OVCH1: variants seen among roughly 807,000 people sequenced by gnomAD.
OVCH1 encodes the protein ovochymase 1.
OVCH1 carries 139 observed loss-of-function variants against 138.4 expected under a neutral mutation model. The observed-to-expected ratio is 1.00, with a 90% CI of 0.87 to 1.16. OVCH1 has a LOEUF of 1.16. Among genes scored for constraint, OVCH1 ranks in the 50% most tolerant of loss-of-function variants. OVCH1 has a pLI of 0.00. For synonymous variants in OVCH1, 453 were observed against 467.8 expected, an observed-to-expected ratio of 0.97 and a Z score of 0.41; for missense variants, 1,367 against 1,357.9, an observed-to-expected ratio of 1.01 and a Z score of -0.11.
At chr12:29,455,006 C>T in intron 20 of OVCH1, 73 bp from the exon 21 acceptor site, 1 of 1,313,750 alleles carries the variant, frequency 7.6e-7, no homozygotes. Flanking sequence ...ACTAAAGCAG[C>T]CACTATCAAA....
At chr12:29,471,803 A>G (rs533243527) in exon 16 of OVCH1, 3 of 1,608,526 alleles carry the variant, frequency 1.9e-6, no homozygotes, top group Non-Finnish European at 2.5e-6. Flanking sequence ...TTCACTCACA[A>G]TTGCACACAG....
At chr12:29,472,898 G>T (rs1942562433) in intron 15 of OVCH1, 131 bp downstream of exon 15, 1 of 734,478 alleles carries the variant, frequency 1.4e-6, no homozygotes, top group Non-Finnish European at 2.2e-6. Flanking sequence ...ACGTTTTATG[G>T]ACCTAAATAT....
At position 29,446,386 on chromosome 12, in the gene OVCH1, G is replaced by A. The variant is rs976956804; in HGVS notation, c.2756-983C>T. Among the ~76,000 whole-genome samples, 10 of 152,078 alleles carry A rather than the reference G, an allele frequency of 6.6e-5. No individual in the cohort carries two copies. The South Asian group carries it at 2.1e-3, about 31-fold the overall frequency. On this transcript the variant is annotated intron_variant, in intron 22 of 27. Transcript: ENST00000318184. ...ACCTAATATTTATTTGTAGCAAATAGAAGTGAATGTAACTTTTAAATGAAT... is the reference window on the plus strand; with the variant it reads ...ACCTAATATTTATTTGTAGCAAATAAAAGTGAATGTAACTTTTAAATGAAT...
chr12:29,473,439 T>C (rs930343304), intron 14 of OVCH1, among the ~76,000 whole-genome samples: 3 of 152,176 alleles, frequency 2.0e-5, no homozygotes, highest in Non-Finnish European at 4.4e-5. Context: ...TGTTCATTAC[T>C]CTATTTTTAT....
At chr12:29,422,472 C>T (rs1049642871) in intron 3 of OVCH1, among the ~76,000 whole-genome samples, 1 of 152,174 alleles carries the variant, frequency 6.6e-6, no homozygotes, top group East Asian at 1.9e-4. Flanking sequence ...CTGAATTACA[C>T]TCTAATCAAG....
At chr12:29,471,612 C>A (rs1327793558) in intron 16 of OVCH1, among the ~76,000 whole-genome samples, 190 bp downstream of exon 16, 1 of 152,140 alleles carries the variant, frequency 6.6e-6, no homozygotes, top group Non-Finnish European at 1.5e-5. Context: ...GATAAGCAGT[C>A]AAGATTTGAT....
At chr12:29,464,829 C>A (rs1486375684) in intron 17 of OVCH1, 127 bp from the exon 18 acceptor site, 7 of 842,114 alleles carry the variant, frequency 8.3e-6, no homozygotes, top group Non-Finnish European at 1.1e-5. Flanking sequence ...AGAAGACTTT[C>A]TATTAAATTT....
At position 29,496,623 on chromosome 12, in the gene OVCH1, A is replaced by G. The variant is rs941588213; in HGVS notation, c.116T>C (p.Val39Ala). 1.1e-5 allele frequency: 18 copies of G among 1,613,818 alleles called. No homozygotes were observed. In the African/African-American group the frequency reaches 1.9e-4, roughly 17 times the overall value. ...AATTCTAGAGAAGAATCTAGATCCC[A>G]CGGCAGGTTCCTTACTTTTCATGTT... Residue 39 changes from valine to alanine, a missense_variant, in exon 2 of 28, where the codon GTG (valine) becomes GCG (alanine). Val to Ala is a moderately conservative substitution (Grantham distance 64). Transcript: ENST00000318184.
At chr12:29,492,064 C>G (rs114749633) in intron 4 of OVCH1, among the ~76,000 whole-genome samples, 1 of 151,940 alleles carries the variant, frequency 6.6e-6, no homozygotes. Flanking sequence ...TAAATACATG[C>G]TATGGAAAAA....
intron 27 of OVCH1, among the ~76,000 whole-genome samples, chr12:29,428,444 A>C (rs1203392635): frequency 1.3e-5 from 2 of 152,164 alleles, no homozygotes; most frequent in Non-Finnish European, 2.9e-5. Context: ...AATGAGTGCA[A>C]AATGCAATTT....
At chr12:29,411,760 G>A (rs1374034198), downstream of OVCH1, among the ~76,000 whole-genome samples, 1 of 111,982 alleles carries the variant, frequency 8.9e-6, no homozygotes, top group African/African-American at 2.8e-5. Context: ...AGAGGTCAGG[G>A]ACCCACTTGA....
At chr12:29,411,306 C>A (rs1940952317), downstream of OVCH1, among the ~76,000 whole-genome samples, 1 of 150,334 alleles carries the variant, frequency 6.7e-6, no homozygotes. Flanking sequence ...CTCAACTCGT[C>A]AAAGTCATTC....
chr12:29,423,988 G>A (rs562669342), downstream of OVCH1, among the ~76,000 whole-genome samples: 1 of 152,254 alleles, frequency 6.6e-6, no homozygotes, highest in East Asian at 1.9e-4. Context: ...CGGTCGGGGA[G>A]ACCCTAACCC....
chr12:29,464,479 A>C, intron 18 of OVCH1, 28 bp downstream of exon 18: 2 of 1,607,144 alleles, frequency 1.2e-6, no homozygotes, highest in Non-Finnish European at 1.7e-6. Flanking sequence ...AACTGGCATT[A>C]ATGTTTATGC....
At chr12:29,462,045 A>G (rs1942155161) in intron 18 of OVCH1, 37 bp from the exon 19 acceptor site, 1 of 1,593,930 alleles carries the variant, frequency 6.3e-7, no homozygotes, top group African/African-American at 1.3e-5. Context: ...TCGATGATGA[A>G]GTAAGCAGAA....
chr12:29,406,650 G>T, the OVCH1 span, among the ~76,000 whole-genome samples: 1 of 144,990 alleles, frequency 6.9e-6, no homozygotes, highest in South Asian at 2.3e-4. Flanking sequence ...ATTTTTTATG[G>T]CTGCATAGTA....
At chr12:29,459,145 AGAAAG>A (rs1942048136) in intron 19 of OVCH1, among the ~76,000 whole-genome samples, 1 of 152,226 alleles carries the variant, frequency 6.6e-6, no homozygotes, top group African/African-American at 2.4e-5. Context: ...TACATCCAAA[AGAAAG>A]GAAATCAAGA....
At chr12:29,486,076 A>G (rs146498674) in intron 8 of OVCH1, among the ~76,000 whole-genome samples, 174 bp downstream of exon 8, 2 of 152,274 alleles carry the variant, frequency 1.3e-5, no homozygotes, top group African/African-American at 4.8e-5. Flanking sequence ...TTTAGATGCC[A>G]GGGTCAGGTT....
chr12:29,461,827 T>A (rs1403529548), intron 19 of OVCH1, 27 bp downstream of exon 19: 1 of 1,613,304 alleles, frequency 6.2e-7, no homozygotes, highest in South Asian at 1.1e-5. Flanking sequence ...TTTTCCACCT[T>A]CCTGTATAAA....
Sources: gnomAD v4.1 joint callset for allele counts (sites outside exome capture counted in the v4.1 genomes callset) on GRCh38, gnomAD v4.1.1 for gene constraint, MANE v1.5 for transcripts, NCBI Gene and HGNC (gene_info 2026-07-23, HGNC 2026-07-21) for gene names.